PTPRK: variants seen among roughly 807,000 people sequenced by gnomAD.
The protein encoded by PTPRK is receptor-type tyrosine-protein phosphatase kappa.
A neutral mutation model predicts 178.0 loss-of-function variants in PTPRK; 75 were observed. That is an observed-to-expected ratio of 0.42 (90% CI 0.35 to 0.51). The LOEUF (loss-of-function observed/expected upper bound fraction) is 0.51. Ranked by LOEUF, PTPRK falls within the 20% of genes least tolerant of loss-of-function variation. PTPRK has a pLI of 0.02. For synonymous variants in PTPRK, 637 were observed against 620.6 expected (o/e 1.03, Z -0.39); for missense variants, 1,441 against 1,797.8 (o/e 0.80, Z 3.59).
In PTPRK at chr6:128,196,006, G is replaced by C. The variant is rs535208545; in HGVS notation, c.869-11281C>G. Among the ~76,000 whole-genome samples the C allele has an allele frequency of 2.6e-5, 4 of 152,160 alleles. 1 individual carries two copies. The South Asian group carries it at 8.3e-4, about 32-fold the overall frequency. On this transcript the variant is annotated intron_variant, in intron 6 of 29. Transcript: ENST00000368226. ...TTAAGGAGAAATGAGTTCACTACAT[G>C]GAGTCACTGACTTTAGGTAAGCTAT...
chr6:128,334,230 A>T (rs1191078219), intron 2 of PTPRK, among the ~76,000 whole-genome samples: 2 of 152,236 alleles, frequency 1.3e-5, no homozygotes, highest in Non-Finnish European at 2.9e-5. Flanking sequence ...ACATTTTGTT[A>T]CACAAAATGA....
intron 21 of PTPRK, among the ~76,000 whole-genome samples, chr6:127,986,958 T>C (rs571704777): frequency 4.3e-4 from 66 of 152,234 alleles, no homozygotes; most frequent in African/African-American, 1.5e-3. Context: ...ACAATCACAA[T>C]GATAAGCATC....
intron 1 of PTPRK, among the ~76,000 whole-genome samples, chr6:128,473,569 A>C (rs1851005376): frequency 6.6e-6 from 1 of 152,024 alleles, no homozygotes; most frequent in Admixed American, 6.6e-5. Flanking sequence ...TATGGATGCA[A>C]AGTGGTAATT....
At chr6:128,206,239 G>T (rs1371979366) in intron 6 of PTPRK, among the ~76,000 whole-genome samples, 2 of 151,600 alleles carry the variant, frequency 1.3e-5, no homozygotes, top group South Asian at 4.2e-4. Context: ...GTGACTTAAA[G>T]AGAAGGTAAA....
chr6:128,435,711 G>A (rs1381888317), intron 1 of PTPRK, among the ~76,000 whole-genome samples: 2 of 152,200 alleles, frequency 1.3e-5, no homozygotes, highest in Non-Finnish European at 2.9e-5. Flanking sequence ...GAATCACAAA[G>A]AGATGATGAA....
At chr6:128,504,837 G>T (rs551276244) in intron 1 of PTPRK, among the ~76,000 whole-genome samples, 6 of 152,086 alleles carry the variant, frequency 3.9e-5, no homozygotes, top group African/African-American at 1.4e-4. Context: ...TCATTATAGA[G>T]ATCTCCCATT....
Position 128,091,597 on chromosome 6 carries a change from A to G in PTPRK, c.1163-1605T>C, listed in dbSNP as rs73772004. Among the ~76,000 whole-genome samples the G allele has an allele frequency of 6.5e-3, 985 of 152,326 alleles. 10 individuals carry two copies. The highest frequency in any genetic ancestry group is 0.023 in the African/African-American group (955 of 41,574). On this transcript the variant is annotated intron_variant, in intron 7 of 29. Transcript: ENST00000368226. ...GTTCTAAAATTATACAGAATGAGAA[A>G]GTAAGATTTCCCATGAAAATACCTA...
chr6:128,011,433 A>G (rs1779038851), intron 13 of PTPRK, among the ~76,000 whole-genome samples: 1 of 151,220 alleles, frequency 6.6e-6, no homozygotes, highest in African/African-American at 2.4e-5. Context: ...GTTTAATTAA[A>G]TAAAATACAT....
At position 128,070,432 on chromosome 6, in the gene PTPRK, G is replaced by A. The variant is rs561846461; in HGVS notation, c.1884-2640C>T. ...GGGGCCCTCACCAAGAACCAAATCC[G>A]AGAGCACCTGGATCTTGGACTTCCC... On this transcript the variant is annotated intron_variant, in intron 11 of 29. Transcript: ENST00000368226. Among the ~76,000 whole-genome samples the A allele has an allele frequency of 2.2e-3, 337 of 152,128 alleles. 3 individuals are homozygous for A. Among genetic ancestry groups the A allele is most frequent in the Non-Finnish European group, 4.1e-3 (277 of 67,952 alleles).
intron 13 of PTPRK, among the ~76,000 whole-genome samples, chr6:128,035,999 T>C (rs1040773078): frequency 6.6e-6 from 1 of 152,254 alleles, no homozygotes; most frequent in African/African-American, 2.4e-5. Context: ...TTTTTAATAT[T>C]AAAGTTAGGT....
intron 1 of PTPRK, among the ~76,000 whole-genome samples, chr6:128,508,888 G>A (rs766200439): frequency 1.7e-4 from 26 of 151,444 alleles, no homozygotes; most frequent in Non-Finnish European, 3.2e-4. Context: ...CGGAGGTTGC[G>A]GTGAGCCAAG....
At chr6:128,140,862 T>C (rs1483068633) in intron 7 of PTPRK, among the ~76,000 whole-genome samples, 1 of 151,974 alleles carries the variant, frequency 6.6e-6, no homozygotes, top group Admixed American at 6.6e-5. Flanking sequence ...CCCTTAAATG[T>C]GGAGGATTCA....
At chr6:128,377,026 C>T (rs569117028) in intron 2 of PTPRK, among the ~76,000 whole-genome samples, 1 of 152,292 alleles carries the variant, frequency 6.6e-6, no homozygotes, top group South Asian at 2.1e-4. Context: ...TCCACACTTT[C>T]CCATATTTTC....
intron 25 of PTPRK, among the ~76,000 whole-genome samples, chr6:127,980,836 A>G (rs1460093170): frequency 6.6e-6 from 1 of 151,960 alleles, no homozygotes; most frequent in Non-Finnish European, 1.5e-5. Flanking sequence ...TTTTCTGAAA[A>G]TAATTAAGAT....
chr6:128,402,532 G>A (rs1026399624), intron 1 of PTPRK, among the ~76,000 whole-genome samples: 4 of 152,308 alleles, frequency 2.6e-5, no homozygotes, highest in African/African-American at 7.2e-5. Flanking sequence ...GATTACAGGC[G>A]TGAGCCACTG....
chr6:128,169,981 A>C (rs2114640942), intron 7 of PTPRK, among the ~76,000 whole-genome samples: 1 of 152,196 alleles, frequency 6.6e-6, no homozygotes, highest in African/African-American at 2.4e-5. Flanking sequence ...ACGTTAGTGA[A>C]TGAATATCTT....
chr6:128,365,694 C>A (rs1364117908), intron 2 of PTPRK, among the ~76,000 whole-genome samples: 1 of 152,078 alleles, frequency 6.6e-6, no homozygotes, highest in African/African-American at 2.4e-5. Flanking sequence ...TCAGCCTTGT[C>A]TTTGTACTTT....
At chr6:128,173,369 A>G (rs989361431) in intron 7 of PTPRK, among the ~76,000 whole-genome samples, 2 of 152,028 alleles carry the variant, frequency 1.3e-5, no homozygotes, top group African/African-American at 4.8e-5. Flanking sequence ...ACTAACATAT[A>G]CAGTGAAATT....
intron 1 of PTPRK, among the ~76,000 whole-genome samples, chr6:128,499,262 C>A (rs570721389): frequency 5.3e-5 from 8 of 152,292 alleles, no homozygotes; most frequent in African/African-American, 1.7e-4. Context: ...AGTGAAAACA[C>A]TGAACTGTAA....
Sources: allele counts gnomAD v4.1 joint callset (sites outside exome capture counted in the v4.1 genomes callset), GRCh38; gene constraint gnomAD v4.1.1; transcripts MANE v1.5; gene names NCBI Gene and HGNC (gene_info 2026-07-23, HGNC 2026-07-21).